The following DNAI7 variants were observed in gnomAD, a reference collection of about 807,000 sequenced individuals.
DNAI7 encodes cancer susceptibility 1.
In DNAI7, 78 loss-of-function variants were observed where a neutral mutation model predicts 86.6. The observed-to-expected ratio is 0.90, with a 90% CI of 0.75 to 1.09. The LOEUF (loss-of-function observed/expected upper bound fraction) is 1.09, where lower values mean the gene tolerates loss of function less well. Ranked by LOEUF, DNAI7 falls within the 50% of genes least tolerant of loss-of-function variation. The probability of loss-of-function intolerance (pLI) is 0.00; values close to 1 mark genes in which losing one functional copy is unlikely to be tolerated. For missense variants in DNAI7, 753 were observed against 810.2 expected, an observed-to-expected ratio of 0.93 and a Z score of 0.86; for synonymous variants, 274 against 273.0, an observed-to-expected ratio of 1.00 and a Z score of -0.04.
At chr12:25,192,680 GTGGTGGCA>G (rs1163058397) in intron 1 of DNAI7, 1 of 151,918 alleles carries the variant, frequency 6.6e-6, no homozygotes, top group East Asian at 1.9e-4. Context: ...TTAGCTGGGC[GTGGTGGCA>G]TGCACCTGTA....
intron 1 of DNAI7, among the ~76,000 whole-genome samples, chr12:25,193,155 A>G (rs117277201): frequency 0.061 from 9,289 of 152,024 alleles, 380 homozygotes; most frequent in Non-Finnish European, 0.093. Flanking sequence ...AAAAGAAAAA[A>G]AAAAAAGAAA....
chr12:25,176,901 CTT>C (rs761004608), intron 2 of DNAI7, among the ~76,000 whole-genome samples: 6 of 118,100 alleles, frequency 5.1e-5, no homozygotes, highest in Non-Finnish European at 1.1e-4. Flanking sequence ...TAACCATTTT[CTT>C]TTTTTTTTTT....
intron 13 of DNAI7, among the ~76,000 whole-genome samples, chr12:25,112,308 C>A (rs180806003): frequency 6.6e-6 from 1 of 151,596 alleles, no homozygotes; most frequent in Non-Finnish European, 1.5e-5. Context: ...TTTTCACATC[C>A]GTAAAAGTTA....
intron 1 of DNAI7, 35 bp from the exon 2 acceptor site, chr12:25,190,666 T>C (rs769605453): frequency 1.6e-6 from 2 of 1,271,196 alleles, no homozygotes; most frequent in East Asian, 2.5e-5. Context: ...TGATCAATTT[T>C]AAAGACAATT....
chr12:25,165,072 C>G (rs1350581213), intron 2 of DNAI7, among the ~76,000 whole-genome samples: 1 of 152,132 alleles, frequency 6.6e-6, no homozygotes, highest in Non-Finnish European at 1.5e-5. Flanking sequence ...CAGTTCATGG[C>G]TCATTTGGCA....
At chr12:25,139,678 T>TCA (rs1565699341) in intron 9 of DNAI7, among the ~76,000 whole-genome samples, 1 of 151,896 alleles carries the variant, frequency 6.6e-6, no homozygotes, top group Non-Finnish European at 1.5e-5. Flanking sequence ...GAGGGGAACA[T>TCA]CACACACTGG....
intron 13 of DNAI7, among the ~76,000 whole-genome samples, chr12:25,113,888 C>T (rs1390105347): frequency 6.7e-6 from 1 of 149,064 alleles, no homozygotes; most frequent in Non-Finnish European, 1.5e-5. Context: ...CACTAATCTA[C>T]TTTTGTCTCC....
chr12:25,169,468 T>A (rs1206085386), intron 2 of DNAI7, among the ~76,000 whole-genome samples: 1 of 152,192 alleles, frequency 6.6e-6, no homozygotes, highest in African/African-American at 2.4e-5. Flanking sequence ...AAAGCTTTAT[T>A]GCTCACACAA....
At chr12:25,181,307 G>C (rs1949482773) in intron 2 of DNAI7, among the ~76,000 whole-genome samples, 1 of 151,848 alleles carries the variant, frequency 6.6e-6, no homozygotes, top group Non-Finnish European at 1.5e-5. Context: ...GCAGAGGTGG[G>C]GGGGTCTCAC....
intron 6 of DNAI7, among the ~76,000 whole-genome samples, chr12:25,152,519 C>T (rs1255831329): frequency 6.6e-6 from 1 of 152,236 alleles, no homozygotes; most frequent in African/African-American, 2.4e-5. Flanking sequence ...ACGGACCTCA[C>T]CCCTTGTATT....
chr12:25,119,422 T>C (rs74073310), intron 11 of DNAI7, 121 bp from the exon 12 acceptor site: 8,798 of 551,176 alleles, frequency 0.016, 555 homozygotes, highest in African/African-American at 0.13. Flanking sequence ...CCTATTTATA[T>C]ATAGATTAAC....
intron 11 of DNAI7, among the ~76,000 whole-genome samples, chr12:25,120,333 A>AGAGAGAGAGAGAGAGAGAGAGT (rs1291053342): frequency 6.7e-6 from 1 of 148,414 alleles, no homozygotes. Flanking sequence ...AGAGAGAGAG[A>AGAGAGAGAGAGAGAGAGAGAGT]GAGAGAGAGG....
chr12:25,140,210 T>TA (rs1944016630), intron 9 of DNAI7, among the ~76,000 whole-genome samples: 1 of 151,188 alleles, frequency 6.6e-6, no homozygotes, highest in African/African-American at 2.4e-5. Context: ...TCAGACAAGA[T>TA]AAAAAAACGA....
intron 8 of DNAI7, 132 bp downstream of exon 8, chr12:25,146,869 G>C: frequency 1.7e-6 from 1 of 588,538 alleles, no homozygotes; most frequent in South Asian, 2.2e-5. Context: ...TCAACCCTTA[G>C]TGGGCTAACT....
intron 2 of DNAI7, among the ~76,000 whole-genome samples, chr12:25,190,151 T>C (rs1264354873): frequency 1.3e-5 from 2 of 152,188 alleles, no homozygotes; most frequent in Admixed American, 1.3e-4. Flanking sequence ...GAATGGTACA[T>C]TGTTTATTGA....
chr12:25,172,135 A>T (rs1412337709), intron 2 of DNAI7, among the ~76,000 whole-genome samples: 2 of 152,172 alleles, frequency 1.3e-5, no homozygotes, highest in East Asian at 3.8e-4. Context: ...AAGAGAAAGA[A>T]ATAAAGGGCA....
chr12:25,163,850 ACTTCAAT>A (rs1947121272), intron 2 of DNAI7, among the ~76,000 whole-genome samples: 1 of 151,990 alleles, frequency 6.6e-6, no homozygotes, highest in Non-Finnish European at 1.5e-5. Flanking sequence ...TTGGTGCCAC[ACTTCAAT>A]CTCTCCCTTC....
intron 2 of DNAI7, among the ~76,000 whole-genome samples, chr12:25,178,817 G>T (rs1348985349): frequency 6.6e-6 from 1 of 151,946 alleles, no homozygotes; most frequent in East Asian, 1.9e-4. Context: ...AAGACTTGAA[G>T]GATATGAGGT....
chr12:25,147,461 G>T (rs1041258220), intron 7 of DNAI7, among the ~76,000 whole-genome samples: 5 of 131,220 alleles, frequency 3.8e-5, no homozygotes, highest in Non-Finnish European at 8.4e-5. Context: ...AGAAAAGCCT[G>T]GGCAACATAA....
Sources: allele counts gnomAD v4.1 joint callset (sites outside exome capture counted in the v4.1 genomes callset), GRCh38; gene constraint gnomAD v4.1.1; transcripts MANE v1.5; gene names NCBI Gene and HGNC (gene_info 2026-07-23, HGNC 2026-07-21).